The following ACTR3 variants were observed in gnomAD, a reference collection of about 807,000 sequenced individuals.
The protein encoded by ACTR3 is actin related protein 3, also known as actin-related protein 3.
ACTR3 carries 12 observed loss-of-function variants against 56.8 expected under a neutral mutation model. The ratio of observed to expected loss-of-function variants is 0.21; its 90% CI spans 0.14 to 0.34. The LOEUF (loss-of-function observed/expected upper bound fraction) is 0.34, where lower values mean the gene tolerates loss of function less well. ACTR3 is among the 10% of genes least tolerant of loss of function. ACTR3 has a pLI of 1.00. For synonymous variants in ACTR3, 162 were observed against 167.4 expected (o/e 0.97, Z 0.25); for missense variants, 282 against 512.5 (o/e 0.55, Z 4.34).
At chr2:113,895,173 A>C (rs1678984421) in intron 1 of ACTR3, among the ~76,000 whole-genome samples, 1 of 150,434 alleles carries the variant, frequency 6.6e-6, no homozygotes, top group Admixed American at 6.7e-5. Flanking sequence ...CTCAGGAAAT[A>C]ATAATAGCTA....
In ACTR3 at chr2:113,931,969, C is replaced by A. The variant is rs146968009; in HGVS notation, c.432+573C>A. Among the ~76,000 whole-genome samples the A allele has an allele frequency of 2.4e-3, 344 of 146,182 alleles. 2 individuals are homozygous for A. Among genetic ancestry groups the A allele is most frequent in the African/African-American group, 8.3e-3 (329 of 39,494 alleles). On this transcript the variant is annotated intron_variant, in intron 5 of 11. Transcript: ENST00000263238. ...TTATATGTGTATTAATTCATTATTTCTATTAAATGTAGATATTTTTGTTTC... is the reference window on the plus strand; with the variant it reads ...TTATATGTGTATTAATTCATTATTTATATTAAATGTAGATATTTTTGTTTC...
At chr2:113,919,178 AG>A (rs1483002704) in intron 3 of ACTR3, among the ~76,000 whole-genome samples, 1 of 152,244 alleles carries the variant, frequency 6.6e-6, no homozygotes, top group Non-Finnish European at 1.5e-5. Flanking sequence ...CTTTTAAAAA[AG>A]GTAAATATGA....
chr2:113,905,734 A>G (rs1197570404), intron 1 of ACTR3, among the ~76,000 whole-genome samples: 4 of 152,172 alleles, frequency 2.6e-5, no homozygotes, highest in Admixed American at 2.0e-4. Context: ...GGTACCTTCT[A>G]TAAGTGGAAT....
intron 6 of ACTR3, among the ~76,000 whole-genome samples, chr2:113,939,728 G>A (rs1486786011): frequency 6.6e-6 from 1 of 151,854 alleles, no homozygotes; most frequent in African/African-American, 2.4e-5. Context: ...TTTCTATATT[G>A]TTGAGTTATT....
chr2:113,960,997 C>T lies in ACTR3; in HGVS notation c.*3542C>T, dbSNP rs1680315541. ...TCATAGCAAATCTTGACAGTAAATA[C>T]CTTGTTCTTGTATTAGGTCTATATC... On this transcript the variant is annotated 3_prime_UTR_variant, in exon 12 of 12. Coordinates refer to ENST00000263238, the MANE Select transcript of ACTR3 (RefSeq NM_005721.5). 6.6e-6 allele frequency: 1 copy of T among 151,938 alleles called. No homozygotes were observed. 9.4% of individuals were successfully genotyped at this position (151,938 alleles called of 1,614,324 possible). A position where few individuals can be genotyped will look rare whatever the true frequency, so the allele number is the denominator to read the frequency against.
chr2:113,908,441 G>T (rs1679243947), intron 1 of ACTR3, among the ~76,000 whole-genome samples: 1 of 151,362 alleles, frequency 6.6e-6, no homozygotes, highest in Non-Finnish European at 1.5e-5. Flanking sequence ...CATTTGAAAA[G>T]CTTTTATTTT....
rs1680314237 is a variant in ACTR3, at chr2:113,960,949, T to C, written c.*3494T>C. The C allele has an allele frequency of 6.6e-6, 1 of 151,964 alleles. No homozygotes were observed. Among genetic ancestry groups the C allele is most frequent in the African/African-American group, 2.4e-5 (1 of 41,410 alleles). The allele number at this position is 151,964 out of a possible 1,614,324, so 9.4% of individuals were successfully genotyped here. A position where few individuals can be genotyped will look rare whatever the true frequency, so the allele number is the denominator to read the frequency against. On this transcript the variant is annotated 3_prime_UTR_variant, in exon 12 of 12. Transcript: ENST00000263238. ...TATATATAGTTGGCCAAGGACAGAG[T>C]TGTTACAAGTTACGTGGAACTTTCA...
In ACTR3 at chr2:113,951,825, T is replaced by C. The variant is rs763752152; in HGVS notation, c.1057T>C (p.Leu353=). The C allele has an allele frequency of 3.1e-6, 5 of 1,613,390 alleles. No individual in the cohort carries two copies. The South Asian group carries it at 5.5e-5, about 18-fold the overall frequency. Residue 353 remains leucine (L), a synonymous_variant, in exon 10 of 12, where the codon TTG becomes CTG. Transcript: ENST00000263238. The part of the protein sequence containing the change: ...VDARLKLSEE[L]SGGRLKPKPI... The stretch of plus-strand genomic sequence containing the variant: ...TGCCCGGCTGAAATTAAGTGAGGAA[T>C]TGAGTGGTGGTAGATTGAAGGTTGG...
At chr2:113,914,717 C>T (rs569316700) in intron 2 of ACTR3, among the ~76,000 whole-genome samples, 1 of 151,490 alleles carries the variant, frequency 6.6e-6, no homozygotes, top group Non-Finnish European at 1.5e-5. Context: ...TCCTCACTTT[C>T]TAGAAACAAA....
chr2:113,938,757 T>C (rs1219905303), intron 6 of ACTR3, among the ~76,000 whole-genome samples: 1 of 152,156 alleles, frequency 6.6e-6, no homozygotes, highest in African/African-American at 2.4e-5. Flanking sequence ...GGTACTCTCT[T>C]CACATCTTCC....
rs1680336584 is a variant in ACTR3 at position 113,962,159 on chromosome 2, T to G, written c.*4704T>G. 6.6e-6 allele frequency: 1 copy of G among 151,990 alleles called. No homozygotes were observed. The highest frequency in any genetic ancestry group is 2.4e-5 in the African/African-American group (1 of 41,416). The allele number at this position is 151,990 out of a possible 1,614,324, so 9.4% of individuals were successfully genotyped here. ...GACCGAATTACGACTTTTTTTCTGT[T>G]CCACTAGTTTCTACCTTAGAAGTGA... On this transcript the variant is annotated 3_prime_UTR_variant, in exon 12 of 12. Coordinates refer to ENST00000263238, the MANE Select transcript of ACTR3 (RefSeq NM_005721.5).
chr2:113,955,609 A>C lies in ACTR3; in HGVS notation c.1078-14A>C. On this transcript the variant is annotated splice_polypyrimidine_tract_variant and intron_variant, in intron 10 of 11. Transcript: ENST00000263238. ...AATTTACTATGAAGATGATCATACT[A>C]TGTCTTTCTTTAGCCAAAACCTATT... The C allele has an allele frequency of 6.3e-7, 1 of 1,579,570 alleles. No homozygotes were observed. Among genetic ancestry groups the C allele is most frequent in the Non-Finnish European group, 8.7e-7 (1 of 1,151,298 alleles).
chr2:113,946,104 C>G (rs560662871), intron 8 of ACTR3, among the ~76,000 whole-genome samples: 19 of 152,230 alleles, frequency 1.2e-4, no homozygotes, highest in Non-Finnish European at 2.8e-4. Context: ...AGTGAACATA[C>G]ATATGCATGT....
At chr2:113,912,918 ACC>A (rs1282371056) in intron 1 of ACTR3, among the ~76,000 whole-genome samples, 9 of 107,218 alleles carry the variant, frequency 8.4e-5, no homozygotes, top group African/African-American at 6.0e-4. Context: ...GTAGCTAATG[ACC>A]TTGATTGTGT....
rs1358185686 is a variant in ACTR3 at position 113,959,020 on chromosome 2, A to G, written c.*1565A>G. On this transcript the variant is annotated 3_prime_UTR_variant, in exon 12 of 12. Coordinates refer to ENST00000263238, the MANE Select transcript of ACTR3 (RefSeq NM_005721.5). ...TATGGGATTGTAAAAGACAAACTAT[A>G]TCCTACAGTAGTATCATCATCAGTA... 1 of 152,048 alleles carries G rather than the reference A, an allele frequency of 6.6e-6. No individual in the cohort carries two copies. The highest frequency in any genetic ancestry group is 2.4e-5 in the African/African-American group (1 of 41,446). 9.4% of individuals were successfully genotyped at this position (152,048 alleles called of 1,614,324 possible).
chr2:113,900,454 G>A (rs1455437668), intron 1 of ACTR3, among the ~76,000 whole-genome samples: 1 of 152,178 alleles, frequency 6.6e-6, no homozygotes, highest in Non-Finnish European at 1.5e-5. Flanking sequence ...CTTCAGTGGT[G>A]ATGGACGTAT....
chr2:113,905,451 C>G (rs1222342833), intron 1 of ACTR3, among the ~76,000 whole-genome samples: 1 of 145,726 alleles, frequency 6.9e-6, no homozygotes, highest in African/African-American at 2.6e-5. Flanking sequence ...GGCGACAGAA[C>G]AAGACTCCGT....
chr2:113,893,160 T>G (rs1678938735), intron 1 of ACTR3, among the ~76,000 whole-genome samples: 1 of 152,042 alleles, frequency 6.6e-6, no homozygotes, highest in Non-Finnish European at 1.5e-5. Flanking sequence ...GAAAAGCATT[T>G]TCTTTAAAAG....
intron 4 of ACTR3, among the ~76,000 whole-genome samples, chr2:113,930,091 A>G (rs1337959403): frequency 6.6e-6 from 1 of 151,956 alleles, no homozygotes; most frequent in Non-Finnish European, 1.5e-5. Context: ...TTCATGTACG[A>G]TTGTTATTAT....
Sources: gnomAD v4.1 joint callset for allele counts (sites outside exome capture counted in the v4.1 genomes callset) on GRCh38, gnomAD v4.1.1 for gene constraint, MANE v1.5 for transcripts, NCBI Gene and HGNC (gene_info 2026-07-23, HGNC 2026-07-21) for gene names.